FBXL17: variants seen among roughly 807,000 people sequenced by gnomAD.
FBXL17 encodes the protein F-box and leucine rich repeat protein 17.
Under a neutral mutation model 66.2 loss-of-function variants are expected in FBXL17, and 22 were observed. The ratio of observed to expected loss-of-function variants is 0.33; its 90% CI spans 0.24 to 0.47. The LOEUF is 0.47. FBXL17 is among the 20% of genes least tolerant of loss of function. FBXL17 has a pLI of 1.00. For missense variants in FBXL17, 878 were observed against 948.2 expected, an observed-to-expected ratio of 0.93 and a Z score of 0.97; for synonymous variants, 474 against 400.5, an observed-to-expected ratio of 1.18 and a Z score of -2.19.
At chr5:108,151,850 T>G (rs970155910) in intron 6 of FBXL17, among the ~76,000 whole-genome samples, 1 of 152,178 alleles carries the variant, frequency 6.6e-6, no homozygotes, top group South Asian at 2.1e-4. Flanking sequence ...TATGCTCCAA[T>G]GACATTCTTT....
At chr5:108,011,449 G>C (rs1320772647) in intron 7 of FBXL17, among the ~76,000 whole-genome samples, 1 of 152,158 alleles carries the variant, frequency 6.6e-6, no homozygotes, top group African/African-American at 2.4e-5. Context: ...AAGCCACACT[G>C]AAGAGGGATT....
At chr5:107,961,662 G>A (rs1344762671) in intron 7 of FBXL17, among the ~76,000 whole-genome samples, 1 of 151,976 alleles carries the variant, frequency 6.6e-6, no homozygotes, top group East Asian at 1.9e-4. Context: ...GTCAAAACCT[G>A]GTAAGATTTG....
chr5:107,901,016 G>A (rs1359550101), intron 7 of FBXL17, among the ~76,000 whole-genome samples: 1 of 152,128 alleles, frequency 6.6e-6, no homozygotes, highest in Non-Finnish European at 1.5e-5. Context: ...TGATTTTACT[G>A]AGTATATCAT....
chr5:107,944,096 G>A (rs543915233), intron 7 of FBXL17, among the ~76,000 whole-genome samples: 1 of 152,270 alleles, frequency 6.6e-6, no homozygotes, highest in African/African-American at 2.4e-5. Flanking sequence ...CAGTTCAAAT[G>A]TCATCACCAT....
chr5:108,238,843 A>T (rs928870748), intron 4 of FBXL17, among the ~76,000 whole-genome samples: 8 of 152,190 alleles, frequency 5.3e-5, no homozygotes, highest in African/African-American at 1.9e-4. Flanking sequence ...CCATAATTCC[A>T]TGTGTGGTTA....
chr5:108,173,850 C>T (rs1414684988), intron 6 of FBXL17, among the ~76,000 whole-genome samples: 1 of 152,174 alleles, frequency 6.6e-6, no homozygotes, highest in East Asian at 1.9e-4. Flanking sequence ...TGTGCTACAA[C>T]ACTGCTTCAT....
At chr5:107,861,927 C>T (rs1748135205) in intron 8 of FBXL17, 67 bp from the exon 9 acceptor site, 1 of 1,385,402 alleles carries the variant, frequency 7.2e-7, no homozygotes, top group Admixed American at 2.6e-5. Flanking sequence ...CCCACGCTCA[C>T]TGATGTGCTG....
intron 6 of FBXL17, among the ~76,000 whole-genome samples, chr5:108,092,462 C>T (rs548947215): frequency 5.9e-5 from 9 of 152,142 alleles, no homozygotes; most frequent in African/African-American, 2.2e-4. Flanking sequence ...ATCACAGGTA[C>T]TTGCCACCAC....
intron 7 of FBXL17, among the ~76,000 whole-genome samples, chr5:107,962,912 A>T (rs1333370605): frequency 1.3e-5 from 2 of 152,142 alleles, no homozygotes; most frequent in Non-Finnish European, 2.9e-5. Flanking sequence ...ATTTTATACA[A>T]TGCATACCAC....
chr5:107,890,666 GAA>G lies in FBXL17; in HGVS notation c.1823-9489_1823-9488del, dbSNP rs35872433. Among the ~76,000 whole-genome samples, 95 of 127,204 alleles carry G rather than the reference GAA, an allele frequency of 7.5e-4. No individual in the cohort carries two copies. The East Asian group carries it at 0.01, about 14-fold the overall frequency. 83.5% of individuals were successfully genotyped at this position (127,204 alleles called of 152,430 possible). The stretch of plus-strand genomic sequence containing the variant: ...GAGAAAGAGTGAGACCTTGTCTTAG[GAA>G]AAAAAAAAAAAAATTGTCTAACCTA... On this transcript the variant is annotated intron_variant, in intron 7 of 8. Transcript: ENST00000542267.
chr5:108,361,989 C>T (rs1395573661), intron 3 of FBXL17, among the ~76,000 whole-genome samples: 3 of 152,134 alleles, frequency 2.0e-5, no homozygotes, highest in East Asian at 3.9e-4. Context: ...ATTCTTTCCA[C>T]CTTTCAGTTG....
chr5:108,323,817 C>T (rs759291650), intron 4 of FBXL17, among the ~76,000 whole-genome samples: 1 of 151,920 alleles, frequency 6.6e-6, no homozygotes, highest in Non-Finnish European at 1.5e-5. Context: ...ACAAGGGTGC[C>T]GGCACTATTC....
chr5:107,938,538 C>T (rs1750985645), intron 7 of FBXL17, among the ~76,000 whole-genome samples: 2 of 152,108 alleles, frequency 1.3e-5, no homozygotes, highest in African/African-American at 4.8e-5. Context: ...AAAATAAATA[C>T]ATTGTATGTA....
chr5:107,931,257 A>ATTTT (rs59275945), intron 7 of FBXL17, among the ~76,000 whole-genome samples: 19 of 113,780 alleles, frequency 1.7e-4, no homozygotes, highest in African/African-American at 4.9e-4. Context: ...GTTAAAGAGA[A>ATTTT]TTTTTTTTTT....
rs183345351 is a variant in FBXL17 at position 107,996,875 on chromosome 5, A to C, written c.1822+24050T>G. 5.3e-5 allele frequency among the ~76,000 whole-genome samples: 8 copies of C among 152,290 alleles called. 1 individual carries two copies. The highest frequency in any genetic ancestry group is 2.9e-5 in the Non-Finnish European group (2 of 68,024). ...AGCAGATAGTAATTTTGGAAGACAGAATTTGATTTCATCATGGTACCTCTC... is the reference window on the plus strand; with the variant it reads ...AGCAGATAGTAATTTTGGAAGACAGCATTTGATTTCATCATGGTACCTCTC... On this transcript the variant is annotated intron_variant, in intron 7 of 8. Transcript: ENST00000542267.
intron 7 of FBXL17, among the ~76,000 whole-genome samples, chr5:107,969,654 C>G (rs1752293538): frequency 6.6e-6 from 1 of 152,086 alleles, no homozygotes; most frequent in Non-Finnish European, 1.5e-5. Context: ...CTGTAGAAGC[C>G]TCATGTTGCC....
chr5:108,203,639 C>T (rs989358108), intron 5 of FBXL17, among the ~76,000 whole-genome samples: 10 of 152,100 alleles, frequency 6.6e-5, no homozygotes, highest in African/African-American at 2.2e-4. Context: ...ATCACTCAAG[C>T]ACCTATAATT....
chr5:108,276,458 C>T (rs1248150305), intron 4 of FBXL17, among the ~76,000 whole-genome samples: 1 of 152,222 alleles, frequency 6.6e-6, no homozygotes, highest in Admixed American at 6.5e-5. Context: ...TTATTCAGTC[C>T]TTTTAGCAAT....
chr5:108,176,273 G>A (rs1752791826), intron 6 of FBXL17, among the ~76,000 whole-genome samples: 1 of 152,028 alleles, frequency 6.6e-6, no homozygotes, highest in South Asian at 2.1e-4. Context: ...TTCATAACAA[G>A]GAAATATGTT....
Sources: allele counts gnomAD v4.1 joint callset (sites outside exome capture counted in the v4.1 genomes callset), GRCh38; gene constraint gnomAD v4.1.1; transcripts MANE v1.5; gene names NCBI Gene and HGNC (gene_info 2026-07-23, HGNC 2026-07-21).